Variants in MATR3 observed in about 807,000 individuals in gnomAD.
MATR3 encodes the protein matrin 3.
Under a neutral mutation model 85.5 loss-of-function variants are expected in MATR3, and 4 were observed. The ratio of observed to expected loss-of-function variants is 0.05; its 90% CI spans 0.02 to 0.11. The LOEUF (loss-of-function observed/expected upper bound fraction) is 0.11, where lower values mean the gene tolerates loss of function less well. Ranked by LOEUF, MATR3 falls within the 10% of genes least tolerant of loss-of-function variation. The probability of loss-of-function intolerance (pLI) is 1.00; values close to 1 mark genes in which losing one functional copy is unlikely to be tolerated. For synonymous variants in MATR3, 336 were observed against 343.1 expected (o/e 0.98, Z 0.23); for missense variants, 685 against 1,016.1 (o/e 0.67, Z 4.43).
intron 9 of MATR3, among the ~76,000 whole-genome samples, chr5:139,319,866 T>C (rs1293534503): frequency 7.3e-6 from 1 of 136,762 alleles, no homozygotes; most frequent in African/African-American, 3.1e-5. Context: ...TTTGCTTTTT[T>C]TTTTTTTTTT....
At chr5:139,318,005 A>G (rs1755340368) in intron 7 of MATR3, among the ~76,000 whole-genome samples, 1 of 152,234 alleles carries the variant, frequency 6.6e-6, no homozygotes, top group Non-Finnish European at 1.5e-5. Context: ...CTATACCAAA[A>G]TGATGGTTTC....
intron 1 of MATR3, among the ~76,000 whole-genome samples, chr5:139,294,328 G>A (rs1413186841): frequency 6.6e-6 from 1 of 152,104 alleles, no homozygotes; most frequent in Admixed American, 6.5e-5. Context: ...TTTTTTCTCT[G>A]AAAATGTTCC....
chr5:139,278,444 C>T, intron 2 of MATR3: 2 of 442,024 alleles, frequency 4.5e-6, no homozygotes, highest in Non-Finnish European at 9.2e-6. Flanking sequence ...TTGACTACCT[C>T]CTCTGTGCCA....
chr5:139,285,881 T>C (rs1753685284), intron 3 of MATR3, among the ~76,000 whole-genome samples: 1 of 151,046 alleles, frequency 6.6e-6, no homozygotes, highest in Admixed American at 6.6e-5. Context: ...GAAAAAAAAA[T>C]GAAAAAGTGA....
chr5:139,278,418 C>T (rs1448420840), intron 2 of MATR3: 1 of 449,688 alleles, frequency 2.2e-6, no homozygotes, highest in Non-Finnish European at 4.5e-6. Flanking sequence ...GGTAAATATC[C>T]CTATTCATTC....
chr5:139,297,142 C>A (rs536227552), intron 1 of MATR3, among the ~76,000 whole-genome samples: 16 of 152,296 alleles, frequency 1.1e-4, no homozygotes, highest in African/African-American at 3.6e-4. Flanking sequence ...GGCGCCACTG[C>A]ATTCCAGCCT....
intron 2 of MATR3, among the ~76,000 whole-genome samples, chr5:139,277,742 A>G (rs933212200): frequency 2.7e-4 from 40 of 149,578 alleles, no homozygotes; most frequent in African/African-American, 9.9e-4. Context: ...TTCATGGGAA[A>G]TATATCATGT....
At chr5:139,325,716 T>C (rs1755822606) in intron 13 of MATR3, 54 bp downstream of exon 13, 2 of 1,479,838 alleles carry the variant, frequency 1.4e-6, no homozygotes, top group South Asian at 1.1e-5. Context: ...AAACAAACTC[T>C]TAGGTTTTAA....
chr5:139,326,031 G>T lies in MATR3; in HGVS notation c.2372-132G>T. 1 of 842,212 alleles carries T rather than the reference G, an allele frequency of 1.2e-6. No individual in the cohort carries two copies. Among genetic ancestry groups the T allele is most frequent in the Non-Finnish European group, 1.9e-6 (1 of 540,366 alleles). The allele number at this position is 842,212 out of a possible 1,614,324, so 52.2% of individuals were successfully genotyped here. On this transcript the variant is annotated intron_variant, in intron 13 of 14. Coordinates refer to ENST00000394805, the MANE Select transcript of MATR3 (RefSeq NM_018834.6). ...AAAAGCAAAATATGGTTCGGTTTTT[G>T]TTTTTTATCTTAGGCTGTATTGGAC... is the stretch of plus-strand genomic sequence containing the variant.
intron 5 of MATR3, among the ~76,000 whole-genome samples, 167 bp downstream of exon 5, chr5:139,316,355 C>T (rs1354653495): frequency 6.6e-6 from 1 of 152,146 alleles, no homozygotes; most frequent in African/African-American, 2.4e-5. Context: ...AAGCAGTTCT[C>T]CTGCTTCAGC....
intron 12 of MATR3, 152 bp from the exon 13 acceptor site, chr5:139,325,288 C>G: frequency 6.4e-7 from 1 of 1,552,452 alleles, no homozygotes. Context: ...ATTTGTCTTT[C>G]TTAACAGCGT....
chr5:139,316,333 C>G, intron 5 of MATR3, 145 bp downstream of exon 5: 1 of 662,416 alleles, frequency 1.5e-6, no homozygotes. Context: ...GCAACCTCTG[C>G]CTCCTGGGTG....
intron 3 of MATR3, among the ~76,000 whole-genome samples, chr5:139,285,523 A>C (rs1202226895): frequency 1.3e-5 from 2 of 152,154 alleles, no homozygotes; most frequent in Non-Finnish European, 2.9e-5. Flanking sequence ...TTGAGACAGA[A>C]TCTCGCTCTA....
intron 1 of MATR3, among the ~76,000 whole-genome samples, chr5:139,275,277 G>GT (rs1237559760): frequency 6.6e-6 from 1 of 150,832 alleles, no homozygotes; most frequent in East Asian, 2.0e-4. Context: ...GATTACAGGC[G>GT]TGAGCCACCG....
upstream of MATR3, among the ~76,000 whole-genome samples, chr5:139,288,899 A>C (rs992498065): frequency 2.0e-5 from 3 of 152,094 alleles, no homozygotes; most frequent in Admixed American, 6.5e-5. Context: ...TCAACCTCCC[A>C]AAGTGCTGGG....
chr5:139,282,870 G>A (rs1753580624), intron 3 of MATR3: 1 of 152,302 alleles, frequency 6.6e-6, no homozygotes, highest in African/African-American at 2.4e-5. Context: ...CTGTCATCCA[G>A]GCTGGAGTGC....
At chr5:139,290,909 T>A (rs1320847798), upstream of MATR3, among the ~76,000 whole-genome samples, 3 of 152,218 alleles carry the variant, frequency 2.0e-5, no homozygotes, top group Admixed American at 6.5e-5. Context: ...TAGTATTAAA[T>A]AGGACTTGTA....
chr5:139,307,280 C>T lies in MATR3; in HGVS notation c.-136C>T. 7.1e-7 allele frequency: 1 copy of T among 1,418,018 alleles called. No individual in the cohort carries two copies. Among genetic ancestry groups the T allele is most frequent in the Non-Finnish European group, 9.1e-7 (1 of 1,095,894 alleles). 87.8% of individuals were successfully genotyped at this position (1,418,018 alleles called of 1,614,324 possible). A position where few individuals can be genotyped will look rare whatever the true frequency, so the allele number is the denominator to read the frequency against. ...TCAGCTTGAAGAAGATTCTGCAGTC[C>T]TTATTGATCCTTTTTCTTGGCGTTA... On this transcript the variant is annotated 5_prime_UTR_variant, in exon 2 of 15. Transcript: ENST00000394805. The surrounding 1 kb of genome is among the most constrained non-coding windows in gnomAD (Gnocchi z 4.4).
rs587777301 is a variant in MATR3, at chr5:139,322,683, A to G, written c.1864A>G (p.Thr622Ala). 1.8e-5 allele frequency: 29 copies of G among 1,614,184 alleles called. No individual in the cohort carries two copies. Among genetic ancestry groups the G allele is most frequent in the African/African-American group, 2.7e-5 (2 of 75,074 alleles). The change falls in exon 12 of 15, where the codon ACC becomes GCC. Residue 622 changes from threonine to alanine, a missense_variant. Physicochemically the swap from Thr to Ala is moderately conservative, Grantham distance 58 (BLOSUM62 0). Around this residue, in one of 9 missense-constraint regions of MATR3, gnomAD observed 215 missense variants for 194.7 expected, o/e 1.10. Coordinates refer to ENST00000394805, the MANE Select transcript of MATR3 (RefSeq NM_018834.6). Reference sequence around the variant, plus strand: ...TGGTTCCCAGAAGACTGAGAGTTCAACCGAAGGTAAAGAACAAGAAGAGAA... The same window carrying G: ...TGGTTCCCAGAAGACTGAGAGTTCAGCCGAAGGTAAAGAACAAGAAGAGAA... The part of the protein sequence containing the change: ...TDGSQKTESS[T>A]EGKEQEEKSG...
Sources: gnomAD v4.1 joint callset for allele counts (sites outside exome capture counted in the v4.1 genomes callset) on GRCh38, gnomAD v4.1.1 for gene constraint, gnomAD v4.1.1 regional missense constraint, Gnocchi (gnomAD v3.1) non-coding constraint, MANE v1.5 for transcripts, NCBI Gene and HGNC (gene_info 2026-07-23, HGNC 2026-07-21) for gene names.